Variants in DEPTOR observed in about 807,000 individuals in gnomAD.
DEPTOR encodes the protein DEP domain containing MTOR interacting protein, also known as DEP domain-containing mTOR-interacting protein.
DEPTOR carries 41 observed loss-of-function variants against 41.6 expected under a neutral mutation model. The observed-to-expected ratio is 0.98, with a 90% CI of 0.77 to 1.28. DEPTOR has a LOEUF of 1.28. DEPTOR is among the 50% of genes most tolerant of loss of function. The pLI, the probability that DEPTOR is intolerant of heterozygous loss-of-function variation, is 0.00. For synonymous variants in DEPTOR, 195 were observed against 192.3 expected (o/e 1.01, Z -0.12); for missense variants, 514 against 527.9 (o/e 0.97, Z 0.26).
In DEPTOR at chr8:119,914,962, T is replaced by C. The variant is rs928542973; in HGVS notation, c.123-13438T>C. Reference sequence around the variant, plus strand: ...TTATATTCCATGAGGGGGTGGTATATTGGGCAATATTATTATTTTTTTTGA... The same window carrying C: ...TTATATTCCATGAGGGGGTGGTATACTGGGCAATATTATTATTTTTTTTGA... On this transcript the variant is annotated intron_variant, in intron 1 of 8. Transcript: ENST00000286234. 1.2e-4 allele frequency among the ~76,000 whole-genome samples: 18 copies of C among 152,222 alleles called. No individual in the cohort carries two copies. In the South Asian group the frequency reaches 3.7e-3, roughly 32 times the overall value.
In DEPTOR at chr8:119,931,190, G is replaced by A. The variant is rs987106863; in HGVS notation, c.425+1252G>A. On this transcript the variant is annotated intron_variant, in intron 3 of 8. Transcript: ENST00000286234. ...CACGTTACTGCACTCCAACCTGGGTGACAGAGTGAGACATCATCTCAAAAC... is the reference window on the plus strand; with the variant it reads ...CACGTTACTGCACTCCAACCTGGGTAACAGAGTGAGACATCATCTCAAAAC... Among the ~76,000 whole-genome samples, 5 of 152,012 alleles carry A rather than the reference G, an allele frequency of 3.3e-5. No homozygotes were observed. The East Asian group carries it at 9.7e-4, about 29-fold the overall frequency.
chr8:119,971,013 A>G (rs1036384130), intron 4 of DEPTOR, among the ~76,000 whole-genome samples: 4 of 152,064 alleles, frequency 2.6e-5, no homozygotes, highest in East Asian at 1.9e-4. Context: ...GGCGGATCAC[A>G]AGGTCGGGAG....
intron 3 of DEPTOR, among the ~76,000 whole-genome samples, chr8:119,950,217 T>C (rs1206409245): frequency 1.3e-5 from 2 of 152,136 alleles, no homozygotes; most frequent in Non-Finnish European, 2.9e-5. Context: ...AAAATTTGTG[T>C]TTAGATAATA....
intron 8 of DEPTOR, among the ~76,000 whole-genome samples, chr8:120,021,955 A>G (rs1390505038): frequency 6.6e-6 from 1 of 152,048 alleles, no homozygotes; most frequent in Non-Finnish European, 1.5e-5. Context: ...CGACCAACCT[A>G]GGCAACATAG....
intron 8 of DEPTOR, among the ~76,000 whole-genome samples, chr8:120,048,113 G>A (rs1813180705): frequency 6.6e-6 from 1 of 152,056 alleles, no homozygotes; most frequent in Non-Finnish European, 1.5e-5. Context: ...CCTGCGAAGG[G>A]TCAGCTGGAG....
At chr8:120,031,792 C>A (rs1366152319) in intron 8 of DEPTOR, among the ~76,000 whole-genome samples, 2 of 152,200 alleles carry the variant, frequency 1.3e-5, no homozygotes, top group Non-Finnish European at 1.5e-5. Context: ...CTTGTCTCCT[C>A]AGCCTCCCTG....
intron 8 of DEPTOR, among the ~76,000 whole-genome samples, chr8:120,042,979 T>TAGC (rs1813100499): frequency 6.6e-6 from 1 of 151,876 alleles, no homozygotes; most frequent in Non-Finnish European, 1.5e-5. Flanking sequence ...GCCTCCCGAG[T>TAGC]AGCTGGGATT....
chr8:119,881,529 A>AT (rs1563955575), intron 1 of DEPTOR, among the ~76,000 whole-genome samples: 3 of 151,750 alleles, frequency 2.0e-5, no homozygotes, highest in Non-Finnish European at 4.4e-5. Context: ...GTCTCAAAAA[A>AT]AATAATAAAA....
chr8:120,024,601 C>G (rs1489113008), intron 8 of DEPTOR, among the ~76,000 whole-genome samples: 1 of 152,032 alleles, frequency 6.6e-6, no homozygotes, highest in Non-Finnish European at 1.5e-5. Context: ...CATGTAAAGA[C>G]GCGAAGGGGA....
chr8:120,004,559 G>C (rs937406973), intron 6 of DEPTOR, among the ~76,000 whole-genome samples: 1 of 152,168 alleles, frequency 6.6e-6, no homozygotes, highest in African/African-American at 2.4e-5. Flanking sequence ...TTATGATGGA[G>C]TATGAAAAAA....
intron 1 of DEPTOR, among the ~76,000 whole-genome samples, chr8:119,888,681 C>T (rs913798265): frequency 3.9e-5 from 6 of 151,914 alleles, no homozygotes; most frequent in African/African-American, 1.5e-4. Context: ...TATGGTGAAA[C>T]CCCGTCTCTA....
At chr8:119,924,116 T>A (rs933532089) in intron 1 of DEPTOR, among the ~76,000 whole-genome samples, 6 of 152,322 alleles carry the variant, frequency 3.9e-5, no homozygotes, top group African/African-American at 1.4e-4. Context: ...TAATTATTTG[T>A]TCCATTGTTT....
chr8:119,978,212 C>T (rs1404391356), intron 4 of DEPTOR, among the ~76,000 whole-genome samples: 5 of 152,126 alleles, frequency 3.3e-5, no homozygotes, highest in Non-Finnish European at 5.9e-5. Context: ...AACGCCAGCA[C>T]AATATCTCTA....
At chr8:120,044,130 C>T (rs1355637762) in intron 8 of DEPTOR, among the ~76,000 whole-genome samples, 2 of 151,172 alleles carry the variant, frequency 1.3e-5, no homozygotes, top group African/African-American at 4.9e-5. Context: ...AAAACAAAGG[C>T]AGATCCAGAG....
intron 1 of DEPTOR, among the ~76,000 whole-genome samples, chr8:119,917,191 T>C (rs893176475): frequency 2.6e-5 from 4 of 152,224 alleles, no homozygotes; most frequent in African/African-American, 9.6e-5. Flanking sequence ...TCAAGGGCTT[T>C]GTGAAATTAT....
chr8:120,032,830 G>T (rs991007611), intron 8 of DEPTOR, among the ~76,000 whole-genome samples: 4 of 152,194 alleles, frequency 2.6e-5, no homozygotes, highest in African/African-American at 7.2e-5. Flanking sequence ...CTGGAACTGT[G>T]CAGGAAAGGG....
chr8:119,926,534 A>T (rs1455142808), intron 1 of DEPTOR, among the ~76,000 whole-genome samples: 1 of 152,218 alleles, frequency 6.6e-6, no homozygotes, highest in East Asian at 1.9e-4. Flanking sequence ...AGTAGGTCCC[A>T]TGCAATATTT....
chr8:119,991,030 T>TTTTCTTTTTCTTTCTTTCTTTCTTTC (rs1812150925), intron 4 of DEPTOR, among the ~76,000 whole-genome samples: 6 of 53,642 alleles, frequency 1.1e-4, no homozygotes, highest in South Asian at 5.5e-4. Flanking sequence ...TCGGGTTTTC[T>TTTTCTTTTTCTTTCTTTCTTTCTTTC]TTTCTTTCTT....
At chr8:119,998,624 A>T (rs931903095) in intron 4 of DEPTOR, among the ~76,000 whole-genome samples, 2 of 152,196 alleles carry the variant, frequency 1.3e-5, no homozygotes, top group African/African-American at 4.8e-5. Flanking sequence ...TACAACCTGC[A>T]CTATAGCTCC....
Sources: gnomAD v4.1 joint callset for allele counts (sites outside exome capture counted in the v4.1 genomes callset) on GRCh38, gnomAD v4.1.1 for gene constraint, MANE v1.5 for transcripts, NCBI Gene and HGNC (gene_info 2026-07-23, HGNC 2026-07-21) for gene names.